The following LRRC4C variants were observed in gnomAD, a reference collection of about 807,000 sequenced individuals.
The protein encoded by LRRC4C is leucine-rich repeat-containing protein 4C.
In LRRC4C, 5 loss-of-function variants were observed where a neutral mutation model predicts 33.6. The observed-to-expected ratio is 0.15, with a 90% confidence interval of 0.08 to 0.31. The LOEUF (loss-of-function observed/expected upper bound fraction) is 0.31. Among genes scored for constraint, LRRC4C ranks in the 10% least tolerant of loss-of-function variants. The probability of loss-of-function intolerance (pLI) is 1.00; values close to 1 mark genes in which losing one functional copy is unlikely to be tolerated. For synonymous variants in LRRC4C, 329 were observed against 302.0 expected (o/e 1.09, Z -0.93); for missense variants, 560 against 796.7 (o/e 0.70, Z 3.58).
chr11:41,269,199 C>G (rs577378665), intron 1 of LRRC4C, among the ~76,000 whole-genome samples: 2 of 152,144 alleles, frequency 1.3e-5, no homozygotes, highest in African/African-American at 4.8e-5. Context: ...TTTTAATGGG[C>G]AAATTACAAT....
chr11:40,694,100 C>T (rs1364905679), intron 2 of LRRC4C, among the ~76,000 whole-genome samples: 4 of 152,098 alleles, frequency 2.6e-5, no homozygotes, highest in African/African-American at 2.4e-5. Flanking sequence ...TTTTCTGCCA[C>T]GTACCGATGT....
intron 1 of LRRC4C, among the ~76,000 whole-genome samples, chr11:41,275,351 G>C (rs958862115): frequency 5.3e-5 from 8 of 152,090 alleles, no homozygotes; most frequent in Non-Finnish European, 8.8e-5. Context: ...GAATAATGGG[G>C]TGAAATATAG....
At chr11:41,453,783 A>G (rs1195612365) in intron 1 of LRRC4C, among the ~76,000 whole-genome samples, 1 of 152,084 alleles carries the variant, frequency 6.6e-6, no homozygotes, top group Non-Finnish European at 1.5e-5. Flanking sequence ...TTATAACATT[A>G]TATTTTCTTG....
At chr11:41,196,322 C>A (rs993667321) in intron 1 of LRRC4C, among the ~76,000 whole-genome samples, 1 of 152,038 alleles carries the variant, frequency 6.6e-6, no homozygotes, top group African/African-American at 2.4e-5. Context: ...TACTAATCAA[C>A]TAGACTAGCT....
intron 2 of LRRC4C, among the ~76,000 whole-genome samples, chr11:40,720,414 C>A (rs149141799): frequency 2.6e-5 from 4 of 152,316 alleles, no homozygotes; most frequent in South Asian, 4.1e-4. Flanking sequence ...CTGATTCCTA[C>A]TGTATAGTCA....
intron 3 of LRRC4C, among the ~76,000 whole-genome samples, chr11:40,447,662 C>T (rs1184058536): frequency 1.3e-5 from 2 of 152,162 alleles, no homozygotes; most frequent in East Asian, 1.9e-4. Flanking sequence ...AGAGCTGGAA[C>T]TTCCCATCTA....
chr11:40,411,146 C>A (rs2137640439), intron 3 of LRRC4C, among the ~76,000 whole-genome samples: 1 of 152,118 alleles, frequency 6.6e-6, no homozygotes, highest in African/African-American at 2.4e-5. Context: ...ATAATATTGA[C>A]TAAAAATTAT....
chr11:40,933,126 G>T (rs1045520196), intron 2 of LRRC4C, among the ~76,000 whole-genome samples: 2 of 152,182 alleles, frequency 1.3e-5, no homozygotes, highest in African/African-American at 4.8e-5. Context: ...GGTTGATAGA[G>T]AAAGATAAAG....
chr11:41,382,388 A>G (rs1159327763), intron 1 of LRRC4C, among the ~76,000 whole-genome samples: 2 of 152,082 alleles, frequency 1.3e-5, no homozygotes, highest in Admixed American at 6.6e-5. Flanking sequence ...TGAGAAAAAT[A>G]AATCATTTTC....
chr11:40,730,159 A>G (rs4322383), intron 2 of LRRC4C, among the ~76,000 whole-genome samples: 67,241 of 151,610 alleles, frequency 0.44, 15,805 homozygotes, highest in African/African-American at 0.57. Flanking sequence ...GCTAGATGAC[A>G]AGTTAGTGGG....
chr11:41,146,592 C>T (rs1026477260), intron 1 of LRRC4C, among the ~76,000 whole-genome samples: 2 of 152,194 alleles, frequency 1.3e-5, no homozygotes, highest in Non-Finnish European at 2.9e-5. Flanking sequence ...TAACAAACAT[C>T]TAATTAGGAC....
chr11:40,168,575 G>C (rs1859790165), intron 5 of LRRC4C, among the ~76,000 whole-genome samples: 1 of 152,222 alleles, frequency 6.6e-6, no homozygotes, highest in African/African-American at 2.4e-5. Flanking sequence ...AGAGCACAAA[G>C]GCTCCCTGCC....
chr11:41,245,100 T>C (rs1948399270), intron 1 of LRRC4C, among the ~76,000 whole-genome samples: 1 of 152,204 alleles, frequency 6.6e-6, no homozygotes, highest in African/African-American at 2.4e-5. Flanking sequence ...CTTTCAGTTT[T>C]CTTATCTGTA....
chr11:41,325,308 T>C (rs528161928), intron 1 of LRRC4C, among the ~76,000 whole-genome samples: 1 of 152,156 alleles, frequency 6.6e-6, no homozygotes, highest in East Asian at 1.9e-4. Context: ...TTAAGGTGAG[T>C]TATTGAAAAC....
At chr11:40,275,660 T>C (rs1343169291) in intron 4 of LRRC4C, among the ~76,000 whole-genome samples, 1 of 152,140 alleles carries the variant, frequency 6.6e-6, no homozygotes, top group Non-Finnish European at 1.5e-5. Flanking sequence ...AACACACTAC[T>C]AGGTGGGTTC....
At chr11:41,298,244 A>G (rs927730899) in intron 1 of LRRC4C, among the ~76,000 whole-genome samples, 1 of 152,176 alleles carries the variant, frequency 6.6e-6, no homozygotes, top group Admixed American at 6.5e-5. Context: ...GATTTCAAGT[A>G]CAAATTACAG....
chr11:41,320,257 T>A (rs1208597488), intron 1 of LRRC4C, among the ~76,000 whole-genome samples: 1 of 152,220 alleles, frequency 6.6e-6, no homozygotes, highest in Non-Finnish European at 1.5e-5. Context: ...TCTTCAAATG[T>A]TAGATTCATA....
intron 5 of LRRC4C, among the ~76,000 whole-genome samples, chr11:40,212,621 C>T (rs977690553): frequency 6.6e-6 from 1 of 152,110 alleles, no homozygotes; most frequent in African/African-American, 2.4e-5. Context: ...GCACTTCCAA[C>T]AGCATCCATT....
At chr11:41,428,011 C>T (rs530515045) in intron 1 of LRRC4C, among the ~76,000 whole-genome samples, 16 of 152,172 alleles carry the variant, frequency 1.1e-4, no homozygotes, top group African/African-American at 3.9e-4. Context: ...CCACCCCTAT[C>T]TCCCTTCGCT....
Sources: gnomAD v4.1 joint callset for allele counts (sites outside exome capture counted in the v4.1 genomes callset) on GRCh38, gnomAD v4.1.1 for gene constraint, MANE v1.5 for transcripts, NCBI Gene and HGNC (gene_info 2026-07-23, HGNC 2026-07-21) for gene names.